The following OTUD7A variants were observed in gnomAD, a reference collection of about 807,000 sequenced individuals.
The protein encoded by OTUD7A is OTU domain-containing protein 7A.
OTUD7A carries 12 observed loss-of-function variants against 65.7 expected under a neutral mutation model. That is an observed-to-expected ratio of 0.18 (90% CI 0.12 to 0.30). OTUD7A has a LOEUF of 0.30. Ranked by LOEUF, OTUD7A falls within the 10% of genes least tolerant of loss-of-function variation. The pLI, the probability that OTUD7A is intolerant of heterozygous loss-of-function variation, is 1.00. For missense variants in OTUD7A, 1,148 were observed against 1,304.8 expected (o/e 0.88, Z 1.85); for synonymous variants, 641 against 586.3 (o/e 1.09, Z -1.35).
intron 3 of OTUD7A, among the ~76,000 whole-genome samples, chr15:31,614,508 G>A (rs1328671463): frequency 6.6e-6 from 1 of 151,968 alleles, no homozygotes; most frequent in Non-Finnish European, 1.5e-5. Flanking sequence ...CTTTTAAATG[G>A]AAATAATAAA....
chr15:31,499,074 T>C (rs2041426735), intron 10 of OTUD7A, among the ~76,000 whole-genome samples: 1 of 152,198 alleles, frequency 6.6e-6, no homozygotes. Flanking sequence ...TCATGGATTT[T>C]TAAGCCTCCA....
intron 1 of OTUD7A, among the ~76,000 whole-genome samples, chr15:31,735,898 A>G (rs973825793): frequency 1.3e-5 from 2 of 152,240 alleles, no homozygotes; most frequent in African/African-American, 4.8e-5. Flanking sequence ...GAATGAGATC[A>G]TGTCTTTTGC....
chr15:31,518,370 G>A (rs1024590220), intron 8 of OTUD7A, among the ~76,000 whole-genome samples: 1 of 152,112 alleles, frequency 6.6e-6, no homozygotes, highest in East Asian at 1.9e-4. Context: ...CTACTCGGGA[G>A]GCTGAGGCAG....
intron 1 of OTUD7A, among the ~76,000 whole-genome samples, chr15:31,742,484 G>A (rs1382604969): frequency 6.6e-6 from 1 of 151,882 alleles, no homozygotes; most frequent in African/African-American, 2.4e-5. Flanking sequence ...AGAAATGGAA[G>A]GAAATTTCTT....
chr15:31,530,656 C>T (rs1332649533), intron 6 of OTUD7A, 51 bp downstream of exon 6: 31 of 1,523,340 alleles, frequency 2.0e-5, no homozygotes, highest in Non-Finnish European at 2.7e-5. Flanking sequence ...TATGTCTTTC[C>T]TTACGCAGGC....
At chr15:31,648,878 A>G (rs1026509226) in intron 3 of OTUD7A, among the ~76,000 whole-genome samples, 1 of 152,098 alleles carries the variant, frequency 6.6e-6, no homozygotes, top group Non-Finnish European at 1.5e-5. Flanking sequence ...CTCCTGCCTC[A>G]GCCTTCTGAG....
chr15:31,514,795 TA>T (rs2041817711), intron 8 of OTUD7A, among the ~76,000 whole-genome samples: 1 of 152,254 alleles, frequency 6.6e-6, no homozygotes, highest in East Asian at 1.9e-4. Flanking sequence ...CTTTAGAACT[TA>T]CTTTTTCAGC....
intron 6 of OTUD7A, among the ~76,000 whole-genome samples, chr15:31,529,856 G>A (rs896853821): frequency 1.3e-5 from 2 of 152,210 alleles, no homozygotes; most frequent in African/African-American, 4.8e-5. Context: ...ATTCCTGTGT[G>A]AGGGTTGTGT....
intron 5 of OTUD7A, among the ~76,000 whole-genome samples, chr15:31,535,628 T>C (rs1016746054): frequency 4.0e-5 from 6 of 151,798 alleles, no homozygotes; most frequent in Non-Finnish European, 8.8e-5. Context: ...TGGGACTGTG[T>C]CTCTGAAATA....
intron 1 of OTUD7A, among the ~76,000 whole-genome samples, chr15:31,703,331 T>G (rs1216597094): frequency 1.3e-5 from 2 of 152,168 alleles, no homozygotes; most frequent in Non-Finnish European, 2.9e-5. Context: ...TTGCAAACCA[T>G]GTATCTGACA....
intron 8 of OTUD7A, among the ~76,000 whole-genome samples, chr15:31,520,718 A>T (rs8025300): frequency 0.027 from 4,103 of 152,290 alleles, 184 homozygotes; most frequent in African/African-American, 0.093. Context: ...CTTTATGGAA[A>T]ACAGTGTGGA....
chr15:31,732,333 G>C (rs896867391), intron 1 of OTUD7A, among the ~76,000 whole-genome samples: 7 of 152,202 alleles, frequency 4.6e-5, no homozygotes, highest in African/African-American at 1.7e-4. Flanking sequence ...ATAACTTTGA[G>C]GAAAATGAGG....
chr15:31,702,806 AAAG>A (rs1893243131), intron 1 of OTUD7A, among the ~76,000 whole-genome samples: 2 of 151,054 alleles, frequency 1.3e-5, no homozygotes, highest in South Asian at 2.1e-4. Context: ...TAATTTTGAA[AAAG>A]AAGGATAAAG....
intron 12 of OTUD7A, among the ~76,000 whole-genome samples, chr15:31,485,392 G>A (rs28454521): frequency 0.26 from 40,041 of 152,190 alleles, 5,986 homozygotes; most frequent in East Asian, 0.39. Context: ...GTTTGGCAAG[G>A]TGGAATGCTA....
chr15:31,738,438 C>T (rs1040193695), intron 1 of OTUD7A, among the ~76,000 whole-genome samples: 2 of 152,196 alleles, frequency 1.3e-5, no homozygotes, highest in South Asian at 4.1e-4. Flanking sequence ...AGCGCTGAAT[C>T]TACAAAAGAG....
At chr15:31,795,412 T>C (rs914936808) in intron 1 of OTUD7A, among the ~76,000 whole-genome samples, 1 of 152,138 alleles carries the variant, frequency 6.6e-6, no homozygotes, top group Non-Finnish European at 1.5e-5. Flanking sequence ...ATTGTGAATA[T>C]TGGAGTGCTG....
intron 3 of OTUD7A, among the ~76,000 whole-genome samples, chr15:31,630,391 G>A (rs1421118152): frequency 6.6e-6 from 1 of 152,160 alleles, no homozygotes; most frequent in African/African-American, 2.4e-5. Flanking sequence ...TTTCCATGTA[G>A]TTGAGTGGTT....
chr15:31,515,616 AC>A (rs2041835685), intron 8 of OTUD7A, among the ~76,000 whole-genome samples: 1 of 36,542 alleles, frequency 2.7e-5, no homozygotes, highest in African/African-American at 1.5e-4. Context: ...CTACCCACCC[AC>A]CCACCCATCT....
chr15:31,619,859 A>G (rs1173543964), intron 3 of OTUD7A, among the ~76,000 whole-genome samples: 1 of 152,216 alleles, frequency 6.6e-6, no homozygotes, highest in East Asian at 1.9e-4. Context: ...TTCAAAGGGA[A>G]TGCTTCCAGT....
Sources: allele counts gnomAD v4.1 joint callset (sites outside exome capture counted in the v4.1 genomes callset), GRCh38; gene constraint gnomAD v4.1.1; transcripts MANE v1.5; gene names NCBI Gene and HGNC (gene_info 2026-07-23, HGNC 2026-07-21).